RHOXF1: variants seen among roughly 807,000 people sequenced by gnomAD.
RHOXF1 encodes the protein PEPP subfamily gene 1.
A neutral mutation model predicts 9.7 loss-of-function variants in RHOXF1; 1 was observed. That is an observed-to-expected ratio of 0.10 (90% CI 0.04 to 0.49). The LOEUF is 0.49. Among genes scored for constraint, RHOXF1 ranks in the 20% least tolerant of loss-of-function variants. The pLI, the probability that RHOXF1 is intolerant of heterozygous loss-of-function variation, is 0.95. For missense variants in RHOXF1, 179 were observed against 168.0 expected (o/e 1.07, Z -0.36); for synonymous variants, 72 against 70.2 (o/e 1.03, Z -0.13).
upstream of RHOXF1, chrX:120,117,700 C>T (rs2057302740): frequency 9.1e-6 from 1 of 110,467 alleles, no homozygotes; most frequent in South Asian, 4.0e-4. Flanking sequence ...GAGATCCTTG[C>T]GTTCTATCCC....
At chrX:120,110,141 TA>T (rs782106883) in intron 2 of RHOXF1, among the ~76,000 whole-genome samples, 8 of 111,668 alleles carry the variant, frequency 7.2e-5, no homozygotes, top group African/African-American at 2.3e-4. Context: ...GGGGATTGTT[TA>T]AAAAATCCAT....
At chrX:120,111,180 T>G (rs2057263340) in intron 2 of RHOXF1, among the ~76,000 whole-genome samples, 1 of 111,766 alleles carries the variant, frequency 8.9e-6, no homozygotes, top group African/African-American at 3.3e-5. Flanking sequence ...GAGAGAACAT[T>G]ATGTCGACTC....
upstream of RHOXF1, among the ~76,000 whole-genome samples, chrX:120,117,449 T>A (rs1290610042): frequency 1.8e-5 from 2 of 111,764 alleles, no homozygotes; most frequent in Non-Finnish European, 3.8e-5. Flanking sequence ...AAAATATTTT[T>A]AAAAATTTTA....
In RHOXF1 at chrX:120,115,585, A is replaced by T; in HGVS notation, c.278T>A (p.Met93Lys). Reference sequence around the variant, plus strand: ...CATGTTCTCGGGCTGCGGACCCTCCATGGCCGCCTGGGCCGGCTCCTCCGG... The same window carrying T: ...CATGTTCTCGGGCTGCGGACCCTCCTTGGCCGCCTGGGCCGGCTCCTCCGG... ...PPPEEPAQAA[M>K]EGPQPENMQP... is the part of the protein sequence containing the mutation. Residue 93 changes from methionine to lysine, a missense_variant, in exon 1 of 3, where the codon ATG becomes AAG. By Grantham distance (95) the Met-to-Lys change is moderately conservative. Coordinates refer to ENST00000217999, the MANE Select transcript of RHOXF1 (RefSeq NM_139282.3). 8.7e-7 allele frequency: 1 copy of T among 1,155,959 alleles called. No homozygotes were observed. Among genetic ancestry groups the T allele is most frequent in the Non-Finnish European group, 1.2e-6 (1 of 869,038 alleles).
At chrX:120,112,752 A>G (rs1556000014) in intron 2 of RHOXF1, 117 bp downstream of exon 2, 2 of 441,140 alleles carry the variant, frequency 4.5e-6, no homozygotes, top group African/African-American at 5.0e-5. Flanking sequence ...CATAAAAAAG[A>G]CAATAATAAA....
chrX:120,112,901 C>T lies in RHOXF1; in HGVS notation c.412G>A (p.Glu138Lys), dbSNP rs191816066. The change falls in exon 2 of 3, where the codon GAA (glutamate) becomes AAA (lysine). Residue 138 changes from glutamate (E) to lysine (K), a missense_variant. Glu to Lys is a moderately conservative substitution (Grantham distance 56). Transcript: ENST00000217999. ...TTGTCTTCAGTCACACCTAAGTTTT[C>T]GGCAAGTTCCCTTCTGTGGAGAGAA... ...PDVPTRRELAENLGVTEDKVR... is the reference protein window; with the variant it reads ...PDVPTRRELAKNLGVTEDKVR... The T allele has an allele frequency of 6.9e-5, 82 of 1,191,946 alleles. No homozygotes were observed. The East Asian group carries it at 1.7e-3, about 25-fold the overall frequency.
At chrX:120,110,919 T>G (rs2147895888) in intron 2 of RHOXF1, among the ~76,000 whole-genome samples, 1 of 112,084 alleles carries the variant, frequency 8.9e-6, no homozygotes, top group African/African-American at 3.2e-5. Flanking sequence ...AGCTTTCAAG[T>G]GTACCACTGG....
intron 1 of RHOXF1, among the ~76,000 whole-genome samples, chrX:120,114,554 T>C (rs1433802111): frequency 9.1e-6 from 1 of 109,556 alleles, no homozygotes; most frequent in Non-Finnish European, 1.9e-5. Context: ...ATCCAGAGTG[T>C]ATAAAGAACT....
chrX:120,112,434 TATATTATATATAATACAC>T (rs2057270057), intron 2 of RHOXF1, among the ~76,000 whole-genome samples: 6 of 28,356 alleles, frequency 2.1e-4, no homozygotes, highest in African/African-American at 3.8e-4. Flanking sequence ...ATAATACACA[TATATTATATATAATACAC>T]ATATGTATAA....
intron 1 of RHOXF1, 34 bp from the exon 2 acceptor site, chrX:120,112,948 A>C (rs782512321): frequency 6.8e-6 from 7 of 1,025,848 alleles, no homozygotes; most frequent in Non-Finnish European, 9.6e-6. Flanking sequence ...GTTAGTATTC[A>C]AAGTTGTGGA....
At chrX:120,112,960 G>A (rs782346986) in intron 1 of RHOXF1, 46 bp from the exon 2 acceptor site, 1 of 910,879 alleles carries the variant, frequency 1.1e-6, no homozygotes, top group Admixed American at 2.2e-5. Flanking sequence ...AGTTGTGGAT[G>A]AAATGAAATA....
intron 1 of RHOXF1, among the ~76,000 whole-genome samples, chrX:120,114,138 A>C (rs1012763897): frequency 1.7e-4 from 19 of 110,926 alleles, no homozygotes; most frequent in Non-Finnish European, 3.8e-5. Flanking sequence ...AAACCAACCA[A>C]ACAAACAAAA....
At chrX:120,110,091 C>T (rs1205684475) in intron 2 of RHOXF1, among the ~76,000 whole-genome samples, 1 of 111,428 alleles carries the variant, frequency 9.0e-6, no homozygotes, top group East Asian at 2.8e-4. Flanking sequence ...GGGAGAAGTT[C>T]GGCATGGTAA....
chrX:120,111,091 T>C (rs2057262906), intron 2 of RHOXF1, among the ~76,000 whole-genome samples: 1 of 112,465 alleles, frequency 8.9e-6, no homozygotes, highest in Non-Finnish European at 1.9e-5. Flanking sequence ...TTATGCTGTA[T>C]AGTTTGGAGA....
At chrX:120,119,512 G>T (rs782241635), upstream of RHOXF1, 73 of 111,880 alleles carry the variant, frequency 6.5e-4, no homozygotes, top group African/African-American at 2.3e-3. Context: ...TAGCTTTTCT[G>T]GTGCCCACAT....
chrX:120,110,804 T>G (rs1430859682), intron 2 of RHOXF1, among the ~76,000 whole-genome samples: 1 of 112,387 alleles, frequency 8.9e-6, no homozygotes, highest in African/African-American at 3.2e-5. Context: ...ACAAAGGGCC[T>G]TCTTTCTCTA....
Position 120,115,674 on chromosome X carries a change from A to G in RHOXF1, c.189T>C (p.Asp63=). ...CGCCGCCCTCGGGGATCATGCCGCC[A>G]TCGCGGTTCATGCCGTTCTCGTGGT... ...GVNHENGMNR[D]GGMIPEGGGG... The change falls in exon 1 of 3, where the codon GAT becomes GAC. Residue 63 remains aspartate (D), a synonymous_variant. Coordinates refer to ENST00000217999, the MANE Select transcript of RHOXF1 (RefSeq NM_139282.3). 1 of 1,199,741 alleles carries G rather than the reference A, an allele frequency of 8.3e-7. No individual in the cohort carries two copies. Among genetic ancestry groups the G allele is most frequent in the Non-Finnish European group, 1.1e-6 (1 of 889,246 alleles).
intron 1 of RHOXF1, among the ~76,000 whole-genome samples, chrX:120,114,871 A>G (rs147314106): frequency 0.015 from 1,698 of 112,341 alleles, 32 homozygotes; most frequent in African/African-American, 0.052. Flanking sequence ...ATAAAATGGA[A>G]TATTATTTAG....
In RHOXF1 at chrX:120,115,688, C is replaced by A. The variant is rs782032966; in HGVS notation, c.175G>T (p.Gly59Cys). Residue 59 changes from glycine to cysteine, a missense_variant, in exon 1 of 3, where the codon GGC becomes TGC. By Grantham distance (159) the Gly-to-Cys change is radical. Transcript: ENST00000217999. ...ATCATGCCGCCATCGCGGTTCATGC[C>A]GTTCTCGTGGTTCACACCGCCCTCA... ...NPEGGVNHEN[G>C]MNRDGGMIPE... The A allele has an allele frequency of 8.3e-7, 1 of 1,205,903 alleles. No homozygotes were observed. Among genetic ancestry groups the A allele is most frequent in the Non-Finnish European group, 1.1e-6 (1 of 893,096 alleles).
Sources: allele counts gnomAD v4.1 joint callset (sites outside exome capture counted in the v4.1 genomes callset), GRCh38; gene constraint gnomAD v4.1.1; transcripts MANE v1.5; gene names NCBI Gene and HGNC (gene_info 2026-07-23, HGNC 2026-07-21).